Variants in GAGE10 observed in about 807,000 individuals in gnomAD.
GAGE10 encodes the protein G antigen 10.
A neutral mutation model predicts 11.5 loss-of-function variants in GAGE10; 9 were observed. That is an observed-to-expected ratio of 0.78 (90% CI 0.47 to 1.37). The LOEUF (loss-of-function observed/expected upper bound fraction) is 1.37. Among genes scored for constraint, GAGE10 ranks in the 40% most tolerant of loss-of-function variants. The pLI is 0.00. For synonymous variants in GAGE10, 23 were observed against 29.7 expected (o/e 0.77, Z 0.73); for missense variants, 83 against 92.9 (o/e 0.89, Z 0.44).
At chrX:49,316,655 T>C (rs1602730734) in intron 3 of GAGE10, among the ~76,000 whole-genome samples, 1 of 112,424 alleles carries the variant, frequency 8.9e-6, no homozygotes. Flanking sequence ...TTTCCTTTAA[T>C]CTGGAATGTT....
At chrX:49,304,362 G>A (rs1206965661) in intron 1 of GAGE10, among the ~76,000 whole-genome samples, 4 of 112,954 alleles carry the variant, frequency 3.5e-5, no homozygotes, top group Non-Finnish European at 7.5e-5. Flanking sequence ...GTAAGTGGGA[G>A]TGTGCCCAAA....
At chrX:49,317,337 T>G (rs782195009) in intron 4 of GAGE10, 49 bp downstream of exon 4, 18 of 1,156,960 alleles carry the variant, frequency 1.6e-5, no homozygotes, top group Admixed American at 9.2e-5. Context: ...GTTTCCACAG[T>G]ATCGTATCAT....
chrX:49,304,739 A>G (rs1432045351), intron 1 of GAGE10, 113 bp from the exon 2 acceptor site: 89 of 995,994 alleles, frequency 8.9e-5, no homozygotes, highest in Non-Finnish European at 1.2e-4. Context: ...TCTGGGACTT[A>G]TTTTGAAAGT....
chrX:49,317,109 T>A (rs1261239043), intron 3 of GAGE10, 54 bp from the exon 4 acceptor site: 1 of 1,120,895 alleles, frequency 8.9e-7, no homozygotes, highest in Non-Finnish European at 1.2e-6. Flanking sequence ...ATTATTTTCT[T>A]ATTCATATTT....
At chrX:49,310,508 A>G (rs2066372869) in intron 3 of GAGE10, among the ~76,000 whole-genome samples, 1 of 111,688 alleles carries the variant, frequency 9.0e-6, no homozygotes, top group South Asian at 3.7e-4. Flanking sequence ...ATGTCAAAAG[A>G]GTAAGGAGAA....
rs369530119 is a variant in GAGE10, at chrX:49,317,279, C to G, written c.319C>G (p.Pro107Ala). ...GLPNPEEVKRPEEGEKQSQC is the reference protein window; with the variant it reads ...GLPNPEEVKRAEEGEKQSQC ...GCCAAATCCAGAGGAGGTGAAAAGG[C>G]CTGAAGAAGGTAGGGAATCCATTAG... Residue 107 changes from proline to alanine, a missense_variant, in exon 4 of 5, where the codon CCT becomes GCT. Coordinates refer to ENST00000407599, the MANE Select transcript of GAGE10 (RefSeq NM_001098413.4). 50 of 1,203,477 alleles carry G rather than the reference C, an allele frequency of 4.2e-5. No homozygotes were observed. Among genetic ancestry groups the G allele is most frequent in the Non-Finnish European group, 5.0e-5 (45 of 891,498 alleles).
chrX:49,312,119 G>A (rs1557124777), intron 3 of GAGE10, among the ~76,000 whole-genome samples: 2 of 111,998 alleles, frequency 1.8e-5, no homozygotes, highest in African/African-American at 6.5e-5. Context: ...TACGGTGAAC[G>A]AGCCGGGAAG....
At chrX:49,315,986 G>A (rs1183228509) in intron 3 of GAGE10, among the ~76,000 whole-genome samples, 1 of 112,057 alleles carries the variant, frequency 8.9e-6, no homozygotes, top group South Asian at 3.7e-4. Flanking sequence ...CCAGCTCCAC[G>A]AAGAGGTGGC....
At chrX:49,317,004 A>C (rs1259690888) in intron 3 of GAGE10, among the ~76,000 whole-genome samples, 159 bp from the exon 4 acceptor site, 1 of 111,959 alleles carries the variant, frequency 8.9e-6, no homozygotes, top group Non-Finnish European at 1.9e-5. Flanking sequence ...GTTTTCTGCT[A>C]ACAGACTCCT....
intron 3 of GAGE10, among the ~76,000 whole-genome samples, chrX:49,307,031 C>A (rs1338728140): frequency 1.8e-5 from 2 of 111,503 alleles, no homozygotes; most frequent in Admixed American, 1.9e-4. Flanking sequence ...TCCTGTCTTC[C>A]TAAAGTTCAG....
rs1163957498 is a variant in GAGE10, at chrX:49,304,928, T to C, written c.69T>C (p.Ile23=). 6 of 1,202,085 alleles carry C rather than the reference T, an allele frequency of 5.0e-6. No individual in the cohort carries two copies. The highest frequency in any genetic ancestry group is 6.8e-6 in the Non-Finnish European group (6 of 888,167). Residue 23 remains isoleucine, a synonymous_variant, in exon 2 of 5, where the codon ATT becomes ATC. Transcript: ENST00000407599. The stretch of plus-strand genomic sequence containing the variant: ...GCTACGTAGAGCCCCCTGAAATGAT[T>C]GGGCCTATGCTGGTGAGTGCTTAAA... ...PRRYVEPPEM[I]GPMLPEQFSD... is the part of the protein sequence containing the mutation.
At chrX:49,307,150 A>T (rs2066360103) in intron 3 of GAGE10, among the ~76,000 whole-genome samples, 2 of 111,872 alleles carry the variant, frequency 1.8e-5, no homozygotes, top group Admixed American at 1.9e-4. Context: ...TTTCACCTAG[A>T]TTCACCAATT....
chrX:49,305,094 AT>A (rs782155420), intron 2 of GAGE10, among the ~76,000 whole-genome samples, 154 bp downstream of exon 2: 4 of 111,922 alleles, frequency 3.6e-5, no homozygotes, highest in Non-Finnish European at 7.5e-5. Flanking sequence ...ATTCTGGAGA[AT>A]TTTTTTTCCT....
intron 3 of GAGE10, among the ~76,000 whole-genome samples, chrX:49,314,009 G>T (rs1272792911): frequency 8.9e-6 from 1 of 112,108 alleles, no homozygotes; most frequent in Admixed American, 9.4e-5. Context: ...CAATTTATAA[G>T]CCTAGTTATA....
intron 3 of GAGE10, 48 bp from the exon 4 acceptor site, chrX:49,317,115 T>C: frequency 2.6e-6 from 3 of 1,139,015 alleles, no homozygotes; most frequent in Non-Finnish European, 3.6e-6. Flanking sequence ...TTCTTATTCA[T>C]ATTTCATGTT....
intron 4 of GAGE10, 120 bp downstream of exon 4, chrX:49,317,408 T>C: frequency 1.9e-6 from 2 of 1,038,596 alleles, no homozygotes; most frequent in Admixed American, 5.5e-5. Flanking sequence ...AGTGCAGTGG[T>C]GGCATCTCGG....
chrX:49,319,179 G>T (rs1368463708), intron 4 of GAGE10, among the ~76,000 whole-genome samples: 1 of 112,320 alleles, frequency 8.9e-6, no homozygotes, highest in Non-Finnish European at 1.9e-5. Context: ...GCGAGAGACC[G>T]TTTAGTTCCT....
intron 3 of GAGE10, among the ~76,000 whole-genome samples, chrX:49,311,344 G>A (rs1342309253): frequency 1.8e-5 from 2 of 112,485 alleles, no homozygotes; most frequent in Admixed American, 9.4e-5. Flanking sequence ...GTGAATACAG[G>A]CCAGTTTACA....
intron 3 of GAGE10, among the ~76,000 whole-genome samples, chrX:49,314,503 C>T (rs2066384986): frequency 8.9e-6 from 1 of 112,427 alleles, no homozygotes; most frequent in Non-Finnish European, 1.9e-5. Flanking sequence ...ACATGCAATC[C>T]TTTAAATTTT....
Sources: allele counts gnomAD v4.1 joint callset (sites outside exome capture counted in the v4.1 genomes callset), GRCh38; gene constraint gnomAD v4.1.1; transcripts MANE v1.5; gene names NCBI Gene and HGNC (gene_info 2026-07-23, HGNC 2026-07-21).